The following NLGN1 variants were observed in gnomAD, a reference collection of about 807,000 sequenced individuals.
NLGN1 encodes the protein neuroligin-1.
In NLGN1, 12 loss-of-function variants were observed where a neutral mutation model predicts 65.5. The ratio of observed to expected loss-of-function variants is 0.18; its 90% CI spans 0.12 to 0.30. The LOEUF (loss-of-function observed/expected upper bound fraction) is 0.30, where lower values mean the gene tolerates loss of function less well. Ranked by LOEUF, NLGN1 falls within the 10% of genes least tolerant of loss-of-function variation. The pLI is 1.00. For synonymous variants in NLGN1, 350 were observed against 359.5 expected, an observed-to-expected ratio of 0.97 and a Z score of 0.30; for missense variants, 750 against 1,007.1, an observed-to-expected ratio of 0.74 and a Z score of 3.46.
At chr3:173,642,011 CTGCTCTCT>C (rs1053088414) in intron 3 of NLGN1, among the ~76,000 whole-genome samples, 6 of 148,000 alleles carry the variant, frequency 4.1e-5, no homozygotes, top group African/African-American at 1.3e-4. Context: ...TTTCAGTGGA[CTGCTCTCT>C]CTCTCTCTCT....
chr3:173,923,869 A>G (rs1296451796), intron 4 of NLGN1, among the ~76,000 whole-genome samples: 1 of 152,178 alleles, frequency 6.6e-6, no homozygotes, highest in East Asian at 1.9e-4. Context: ...TTTATCATAG[A>G]TATCTACATG....
chr3:173,524,161 C>T (rs1046544664), intron 2 of NLGN1, among the ~76,000 whole-genome samples: 7 of 151,566 alleles, frequency 4.6e-5, no homozygotes, highest in South Asian at 2.1e-4. Flanking sequence ...CTCCTGACCT[C>T]GTGATCTGCC....
rs58100019 is a variant in NLGN1 at position 173,892,575 on chromosome 3, T to TAAAA, written c.646+84756_646+84759dup. 8.4e-5 allele frequency among the ~76,000 whole-genome samples: 11 copies of TAAAA among 131,014 alleles called. 1 individual carries two copies. The South Asian group carries it at 2.4e-3, about 29-fold the overall frequency. The allele number at this position is 131,014 out of a possible 152,430, so 86.0% of individuals were successfully genotyped here. ...TCAGAACCAGGAAAAGAAGGCAAAC[T>TAAAA]AAAAAAAAAAAAAAAATGACAGTTA... On this transcript the variant is annotated intron_variant, in intron 4 of 6. Coordinates refer to ENST00000457714, the Ensembl canonical transcript of NLGN1.
Position 174,176,423 on chromosome 3 carries a change from G to T in NLGN1, c.647-98892G>T, listed in dbSNP as rs1729457904. 7.9e-5 allele frequency among the ~76,000 whole-genome samples: 12 copies of T among 151,904 alleles called. No individual in the cohort carries two copies. In the South Asian group the frequency reaches 2.5e-3, roughly 31 times the overall value. On this transcript the variant is annotated intron_variant, in intron 4 of 6. Coordinates refer to ENST00000457714, the Ensembl canonical transcript of NLGN1. ...AAAATCATCAGTGGTATTTTTAAAA[G>T]TTCCAGCCATAATGTATGTTGCAAC...
At chr3:174,033,070 A>C (rs748653850) in intron 4 of NLGN1, among the ~76,000 whole-genome samples, 1 of 152,082 alleles carries the variant, frequency 6.6e-6, no homozygotes, top group Non-Finnish European at 1.5e-5. Flanking sequence ...CACAACCTCG[A>C]GACAGCCCAC....
intron 2 of NLGN1, among the ~76,000 whole-genome samples, chr3:173,540,775 ACTC>A (rs779315831): frequency 7.9e-5 from 12 of 151,822 alleles, no homozygotes; most frequent in Non-Finnish European, 1.6e-4. Context: ...AGTGACAACT[ACTC>A]CTGCTTCTGT....
chr3:174,114,104 T>C (rs915803277), intron 4 of NLGN1, among the ~76,000 whole-genome samples: 37 of 152,174 alleles, frequency 2.4e-4, no homozygotes, highest in Admixed American at 2.4e-3. Flanking sequence ...ATATGTTAAA[T>C]AGAACTCCTC....
At chr3:173,824,533 T>A (rs1163393478) in intron 4 of NLGN1, among the ~76,000 whole-genome samples, 1 of 152,096 alleles carries the variant, frequency 6.6e-6, no homozygotes, top group Non-Finnish European at 1.5e-5. Context: ...CTGCTAGACA[T>A]CTCCCTGCCC....
intron 2 of NLGN1, among the ~76,000 whole-genome samples, chr3:173,462,812 C>A (rs1723627101): frequency 6.6e-6 from 1 of 152,136 alleles, no homozygotes; most frequent in East Asian, 1.9e-4. Flanking sequence ...TTAAAAAAAT[C>A]TGGCAGGAAT....
At chr3:173,852,465 G>A (rs925254984) in intron 4 of NLGN1, among the ~76,000 whole-genome samples, 31 of 150,540 alleles carry the variant, frequency 2.1e-4, no homozygotes, top group African/African-American at 7.6e-4. Context: ...TGAATCTAAG[G>A]CTTCATCAGT....
At chr3:173,770,587 C>G (rs1160458118) in intron 3 of NLGN1, among the ~76,000 whole-genome samples, 2 of 152,004 alleles carry the variant, frequency 1.3e-5, no homozygotes, top group African/African-American at 4.8e-5. Flanking sequence ...TCATGGATTC[C>G]TAATTCCTTT....
chr3:173,615,596 C>A (rs1287109587), intron 3 of NLGN1, among the ~76,000 whole-genome samples: 4 of 152,104 alleles, frequency 2.6e-5, no homozygotes, highest in Non-Finnish European at 5.9e-5. Context: ...TTAATTAAAT[C>A]TTTAAACTGT....
At chr3:174,221,462 C>A (rs1738637253) in intron 4 of NLGN1, among the ~76,000 whole-genome samples, 1 of 152,028 alleles carries the variant, frequency 6.6e-6, no homozygotes, top group African/African-American at 2.4e-5. Flanking sequence ...AGCAAAGACT[C>A]CAAATAGGTC....
intron 1 of NLGN1, among the ~76,000 whole-genome samples, chr3:173,433,648 G>T (rs1280468738): frequency 4.6e-5 from 7 of 151,736 alleles, no homozygotes; most frequent in Non-Finnish European, 1.0e-4. Context: ...TCCCTTTATT[G>T]CTGGTACATA....
intron 3 of NLGN1, among the ~76,000 whole-genome samples, chr3:173,807,323 A>G (rs903263055): frequency 2.0e-5 from 3 of 152,142 alleles, no homozygotes; most frequent in Admixed American, 1.3e-4. Context: ...TGTGAAGTCT[A>G]TCATATTTTT....
intron 2 of NLGN1, among the ~76,000 whole-genome samples, chr3:173,489,120 A>G (rs1224548094): frequency 6.6e-6 from 1 of 151,206 alleles, no homozygotes; most frequent in Non-Finnish European, 1.5e-5. Context: ...GTTCCAGGGT[A>G]CATGTGCACA....
intron 3 of NLGN1, among the ~76,000 whole-genome samples, chr3:173,622,404 T>C (rs1343695258): frequency 6.6e-6 from 1 of 152,002 alleles, no homozygotes; most frequent in Non-Finnish European, 1.5e-5. Context: ...ACCTAGATCA[T>C]TAAAACCACA....
chr3:174,199,435 T>C (rs1734041012), intron 4 of NLGN1, among the ~76,000 whole-genome samples: 1 of 150,920 alleles, frequency 6.6e-6, no homozygotes, highest in South Asian at 2.1e-4. Context: ...AGGTGATCTT[T>C]TCTAAAAAGC....
Position 173,611,250 on chromosome 3 carries a change from C to T in NLGN1, c.493+6159C>T, listed in dbSNP as rs143101294. On this transcript the variant is annotated intron_variant, in intron 3 of 6. Transcript: ENST00000457714. Reference sequence around the variant, plus strand: ...CATGGCATATTAATTTATTTGATATCGCAACAGCCTCGTGAGGTTCTCACC... The same window carrying T: ...CATGGCATATTAATTTATTTGATATTGCAACAGCCTCGTGAGGTTCTCACC... Among the ~76,000 whole-genome samples the T allele has an allele frequency of 3.9e-5, 6 of 152,060 alleles. 1 individual carries two copies. The highest frequency in any genetic ancestry group is 2.0e-4 in the Admixed American group (3 of 15,232).
Sources: gnomAD v4.1 joint callset for allele counts (sites outside exome capture counted in the v4.1 genomes callset) on GRCh38, gnomAD v4.1.1 for gene constraint, MANE v1.5 for transcripts, NCBI Gene and HGNC (gene_info 2026-07-23, HGNC 2026-07-21) for gene names.